DOCK5: variants seen among roughly 807,000 people sequenced by gnomAD.
DOCK5 encodes dedicator of cytokinesis protein 5.
Under a neutral mutation model 251.8 loss-of-function variants are expected in DOCK5, and 142 were observed. The ratio of observed to expected loss-of-function variants is 0.56; its 90% CI spans 0.49 to 0.65. DOCK5 has a LOEUF of 0.65. Among genes scored for constraint, DOCK5 ranks in the 30% least tolerant of loss-of-function variants. The probability of loss-of-function intolerance (pLI) is 0.00; values close to 1 mark genes in which losing one functional copy is unlikely to be tolerated. For synonymous variants in DOCK5, 842 were observed against 835.5 expected, an observed-to-expected ratio of 1.01 and a Z score of -0.13; for missense variants, 2,111 against 2,312.3, an observed-to-expected ratio of 0.91 and a Z score of 1.79.
At chr8:25,266,462 G>A (rs532742144) in intron 2 of DOCK5, among the ~76,000 whole-genome samples, 2 of 151,704 alleles carry the variant, frequency 1.3e-5, no homozygotes, top group Non-Finnish European at 2.9e-5. Context: ...TGATCCGCCC[G>A]CCTCAGCCTC....
rs767102304 is a variant in DOCK5, at chr8:25,380,394, G to A, written c.4026G>A (p.Leu1342=). 6.2e-7 allele frequency: 1 copy of A among 1,604,800 alleles called. No homozygotes were observed. Among genetic ancestry groups the A allele is most frequent in the Non-Finnish European group, 8.5e-7 (1 of 1,175,286 alleles). ...VFDYEGLGNL[L]KKRASFYENI... ...ACTACGAGGGCCTTGGCAACCTCCTGGTGAGTCTGGGTCAAAATATGTTAG... is the reference window on the plus strand; with the variant it reads ...ACTACGAGGGCCTTGGCAACCTCCTAGTGAGTCTGGGTCAAAATATGTTAG... The change falls in exon 39 of 52, where the codon CTG becomes CTA. Residue 1342 remains leucine (L), a splice_region_variant and synonymous_variant. Transcript: ENST00000276440.
intron 1 of DOCK5, among the ~76,000 whole-genome samples, chr8:25,214,976 C>T (rs977073195): frequency 6.6e-6 from 1 of 152,166 alleles, no homozygotes; most frequent in African/African-American, 2.4e-5. Context: ...GAAAGACTTC[C>T]TATACTGCTG....
chr8:25,270,620 C>G (rs183242083), intron 3 of DOCK5, among the ~76,000 whole-genome samples: 1 of 152,084 alleles, frequency 6.6e-6, no homozygotes, highest in Non-Finnish European at 1.5e-5. Context: ...AAGGAACAAA[C>G]GAAACTCTTG....
At chr8:25,295,352 A>G (rs958436492) in intron 6 of DOCK5, among the ~76,000 whole-genome samples, 1 of 151,504 alleles carries the variant, frequency 6.6e-6, no homozygotes, top group African/African-American at 2.4e-5. Flanking sequence ...TGAGACAGGG[A>G]CTGCTTGAGC....
intron 46 of DOCK5, 92 bp from the exon 47 acceptor site, chr8:25,400,837 A>C (rs1261004495): frequency 1.1e-5 from 16 of 1,432,918 alleles, no homozygotes; most frequent in Non-Finnish European, 1.4e-5. Context: ...CTAGCAGTTT[A>C]CCTTTCCACC....
intron 1 of DOCK5, among the ~76,000 whole-genome samples, chr8:25,205,175 G>A (rs1801970309): frequency 6.6e-6 from 1 of 152,088 alleles, no homozygotes; most frequent in Non-Finnish European, 1.5e-5. Flanking sequence ...TTGGATTACA[G>A]GTGTCAGCCC....
chr8:25,226,304 C>T (rs1802529672), intron 1 of DOCK5, among the ~76,000 whole-genome samples: 1 of 144,338 alleles, frequency 6.9e-6, no homozygotes, highest in Non-Finnish European at 1.5e-5. Flanking sequence ...CTCTGTCACC[C>T]AGGCTGGAGT....
chr8:25,264,620 G>A (rs568795748), intron 2 of DOCK5, among the ~76,000 whole-genome samples: 3 of 151,794 alleles, frequency 2.0e-5, no homozygotes, highest in Non-Finnish European at 4.4e-5. Flanking sequence ...GAGGTCAGGA[G>A]TTCAAGACCA....
chr8:25,358,771 A>T (rs537653438), intron 27 of DOCK5, among the ~76,000 whole-genome samples, 192 bp from the exon 28 acceptor site: 2 of 152,266 alleles, frequency 1.3e-5, no homozygotes, highest in East Asian at 3.9e-4. Context: ...TCAGACCTGG[A>T]AGGAGGTGGT....
At chr8:25,276,061 T>C (rs1185319086) in intron 4 of DOCK5, among the ~76,000 whole-genome samples, 2 of 152,178 alleles carry the variant, frequency 1.3e-5, no homozygotes, top group Middle Eastern at 3.2e-3. Flanking sequence ...TGATTGTGTG[T>C]GTGTGCGTGT....
chr8:25,388,790 G>A, intron 40 of DOCK5: 1 of 266,424 alleles, frequency 3.8e-6, no homozygotes, highest in Non-Finnish European at 7.2e-6. Context: ...GAGGGCACAA[G>A]TTCCGTATTT....
At chr8:25,292,208 T>A in intron 6 of DOCK5, 36 bp downstream of exon 6, 1 of 1,520,008 alleles carries the variant, frequency 6.6e-7, no homozygotes, top group Non-Finnish European at 8.8e-7. Context: ...ACTGAAAACT[T>A]GGCGAACAGT....
In DOCK5 at chr8:25,370,214, T is replaced by C. The variant is rs1800849805; in HGVS notation, c.3524+573T>C. ...TAACCCTCTTGCCCTCCTTGGCACATGTGGAGTAATGAAGAGTGGGAAAGT... is the reference window on the plus strand; with the variant it reads ...TAACCCTCTTGCCCTCCTTGGCACACGTGGAGTAATGAAGAGTGGGAAAGT... On this transcript the variant is annotated intron_variant, in intron 34 of 51. Transcript: ENST00000276440. Among the ~76,000 whole-genome samples the C allele has an allele frequency of 3.9e-5, 6 of 152,288 alleles. No individual in the cohort carries two copies. In the South Asian group the frequency reaches 1.0e-3, roughly 26 times the overall value.
Position 25,349,259 on chromosome 8 carries a change from T to C in DOCK5, c.2755-2472T>C, listed in dbSNP as rs1800424773. Among the ~76,000 whole-genome samples the C allele has an allele frequency of 2.6e-5, 4 of 152,216 alleles. No homozygotes were observed. The South Asian group carries it at 8.3e-4, about 32-fold the overall frequency. On this transcript the variant is annotated intron_variant, in intron 26 of 51. Transcript: ENST00000276440. ...GAACATTGTTACACTGCTGGGGGAA[T>C]GCAAATTATTAGTACGACGACTATG... is the stretch of plus-strand genomic sequence containing the variant.
intron 1 of DOCK5, among the ~76,000 whole-genome samples, chr8:25,198,891 A>G (rs1406962807): frequency 6.6e-6 from 1 of 152,248 alleles, no homozygotes; most frequent in Non-Finnish European, 1.5e-5. Flanking sequence ...CCAAAGGGGA[A>G]GATGCCTGTG....
At chr8:25,389,062 T>G in intron 40 of DOCK5, 29 bp from the exon 41 acceptor site, 1 of 1,609,768 alleles carries the variant, frequency 6.2e-7, no homozygotes, top group Non-Finnish European at 8.5e-7. Flanking sequence ...TCCTATGTAA[T>G]GACTTCCCTT....
At chr8:25,255,308 G>A (rs1803391516) in intron 2 of DOCK5, among the ~76,000 whole-genome samples, 2 of 152,190 alleles carry the variant, frequency 1.3e-5, no homozygotes, top group South Asian at 4.1e-4. Context: ...TAAACAAGAT[G>A]TTCTTCAGTA....
In DOCK5 at chr8:25,230,195, T is replaced by C. The variant is rs577575689; in HGVS notation, c.44-13479T>C. ...CTATGAGCTCTTTCTTCTCTGCTGG[T>C]TTGCATGAGGCTCACATATAGTAAT... On this transcript the variant is annotated intron_variant, in intron 1 of 51. Transcript: ENST00000276440. Among the ~76,000 whole-genome samples, 3 of 152,284 alleles carry C rather than the reference T, an allele frequency of 2.0e-5. No individual in the cohort carries two copies. In the South Asian group the frequency reaches 6.2e-4, roughly 32 times the overall value.
intron 26 of DOCK5, among the ~76,000 whole-genome samples, chr8:25,348,267 G>C (rs531321203): frequency 3.3e-5 from 5 of 152,236 alleles, no homozygotes; most frequent in African/African-American, 1.2e-4. Flanking sequence ...GAATTGTCCT[G>C]GTTCTTTCAA....
Sources: gnomAD v4.1 joint callset for allele counts (sites outside exome capture counted in the v4.1 genomes callset) on GRCh38, gnomAD v4.1.1 for gene constraint, MANE v1.5 for transcripts, NCBI Gene and HGNC (gene_info 2026-07-23, HGNC 2026-07-21) for gene names.